Variants in FMN2 observed in about 807,000 individuals in gnomAD.
The protein encoded by FMN2 is formin 2, also known as formin-2.
Under a neutral mutation model 142.3 loss-of-function variants are expected in FMN2, and 51 were observed. The ratio of observed to expected loss-of-function variants is 0.36; its 90% CI spans 0.29 to 0.45. FMN2 has a LOEUF of 0.45. FMN2 is among the 20% of genes least tolerant of loss of function. The pLI, the probability that FMN2 is intolerant of heterozygous loss-of-function variation, is 1.00. For synonymous variants in FMN2, 882 were observed against 869.8 expected (o/e 1.01, Z -0.25); for missense variants, 1,936 against 2,122.8 (o/e 0.91, Z 1.73).
chr1:240,298,370 T>C (rs1670066953), intron 8 of FMN2, among the ~76,000 whole-genome samples: 1 of 152,266 alleles, frequency 6.6e-6, no homozygotes, highest in Non-Finnish European at 1.5e-5. Context: ...AAAAAATAAG[T>C]CTTGGGAAGG....
intron 14 of FMN2, among the ~76,000 whole-genome samples, chr1:240,389,136 T>A (rs1175932024): frequency 6.6e-6 from 1 of 152,190 alleles, no homozygotes; most frequent in Non-Finnish European, 1.5e-5. Flanking sequence ...CTTTTTTATC[T>A]CTTGTATGCA....
intron 6 of FMN2, among the ~76,000 whole-genome samples, chr1:240,238,581 A>C (rs1236369815): frequency 6.6e-6 from 1 of 152,236 alleles, no homozygotes; most frequent in East Asian, 1.9e-4. Flanking sequence ...TATCATAACA[A>C]GATAAATTTT....
At chr1:240,152,495 T>C (rs941636150) in intron 2 of FMN2, among the ~76,000 whole-genome samples, 23 of 152,074 alleles carry the variant, frequency 1.5e-4, no homozygotes, top group African/African-American at 5.6e-4. Context: ...GCTTAACCTT[T>C]TGTTTCCGTT....
chr1:240,357,858 C>T (rs989195736), intron 14 of FMN2, among the ~76,000 whole-genome samples: 2 of 152,184 alleles, frequency 1.3e-5, no homozygotes, highest in African/African-American at 4.8e-5. Flanking sequence ...CCAGCCTCTT[C>T]GGCCTCCCAA....
chr1:240,303,427 A>G (rs1670273891), intron 8 of FMN2, among the ~76,000 whole-genome samples: 1 of 152,118 alleles, frequency 6.6e-6, no homozygotes, highest in Non-Finnish European at 1.5e-5. Flanking sequence ...GTTTTACTGG[A>G]TATAGAATTA....
chr1:240,396,314 G>A (rs928478025), intron 15 of FMN2, among the ~76,000 whole-genome samples: 2 of 108,310 alleles, frequency 1.8e-5, no homozygotes, highest in African/African-American at 9.9e-5. Context: ...GTGTGTGTGT[G>A]TGTGTGTGTG....
At chr1:240,205,932 G>C (rs1196702543) in intron 4 of FMN2, among the ~76,000 whole-genome samples, 1 of 123,868 alleles carries the variant, frequency 8.1e-6, no homozygotes, top group African/African-American at 3.1e-5. Flanking sequence ...GTCTCACTCT[G>C]TTTCCCAGGC....
chr1:240,289,101 A>G (rs1669688631), intron 7 of FMN2, among the ~76,000 whole-genome samples: 4 of 152,298 alleles, frequency 2.6e-5, no homozygotes, highest in African/African-American at 7.2e-5. Context: ...CACACTTGGT[A>G]ATAAACACTG....
At chr1:240,272,921 G>A (rs78755044) in intron 7 of FMN2, among the ~76,000 whole-genome samples, 5,041 of 152,188 alleles carry the variant, frequency 0.033, 131 homozygotes, top group Non-Finnish European at 0.055. Flanking sequence ...TTATATGCAC[G>A]TGATTAAGAA....
At chr1:240,233,167 G>T (rs1213169331) in intron 6 of FMN2, among the ~76,000 whole-genome samples, 1 of 152,034 alleles carries the variant, frequency 6.6e-6, no homozygotes, top group Non-Finnish European at 1.5e-5. Context: ...GATCACCTGA[G>T]CTCAGGAGTT....
intron 15 of FMN2, among the ~76,000 whole-genome samples, chr1:240,402,017 C>T (rs899626261): frequency 2.6e-5 from 4 of 152,230 alleles, no homozygotes; most frequent in South Asian, 2.1e-4. Flanking sequence ...TCAAGTGTGG[C>T]TCCTAAGAGG....
At chr1:240,166,353 C>T (rs1228407033) in intron 2 of FMN2, among the ~76,000 whole-genome samples, 1 of 151,804 alleles carries the variant, frequency 6.6e-6, no homozygotes, top group Non-Finnish European at 1.5e-5. Flanking sequence ...CTTGAACCTC[C>T]CGAGTAAGTG....
At chr1:240,357,769 G>A (rs12086966) in intron 14 of FMN2, among the ~76,000 whole-genome samples, 9,473 of 151,952 alleles carry the variant, frequency 0.062, 343 homozygotes, top group South Asian at 0.12. Context: ...CACCACGCCC[G>A]GCTAATTTTT....
chr1:240,154,051 A>G (rs1407354459), intron 2 of FMN2, among the ~76,000 whole-genome samples: 1 of 145,626 alleles, frequency 6.9e-6, no homozygotes, highest in Non-Finnish European at 1.5e-5. Context: ...CGGAGGTTGC[A>G]GTGAGCCGAG....
intron 2 of FMN2, chr1:240,170,170 A>G (rs1441625289): frequency 4.1e-6 from 4 of 966,210 alleles, no homozygotes; most frequent in Admixed American, 2.1e-5. Flanking sequence ...ACCCGTGGAC[A>G]TGGTGAACCA....
intron 6 of FMN2, among the ~76,000 whole-genome samples, chr1:240,220,998 G>A (rs1294577312): frequency 6.6e-6 from 1 of 152,088 alleles, no homozygotes; most frequent in Non-Finnish European, 1.5e-5. Context: ...TTAGTTTGCT[G>A]AGAATGATGG....
chr1:240,425,731 A>G (rs1674919788), intron 15 of FMN2, among the ~76,000 whole-genome samples: 1 of 152,190 alleles, frequency 6.6e-6, no homozygotes, highest in Admixed American at 6.5e-5. Flanking sequence ...AGCATATGGT[A>G]ATGTCTGCCA....
intron 7 of FMN2, among the ~76,000 whole-genome samples, chr1:240,287,075 G>T (rs1022165854): frequency 1.3e-5 from 2 of 152,038 alleles, no homozygotes; most frequent in South Asian, 4.2e-4. Context: ...TTTCAATTAC[G>T]CATCCCCAAA....
At chr1:240,363,726 T>A (rs1011493117) in intron 14 of FMN2, among the ~76,000 whole-genome samples, 1 of 152,150 alleles carries the variant, frequency 6.6e-6, no homozygotes, top group Non-Finnish European at 1.5e-5. Context: ...CGTCCCCAAC[T>A]CTGTTTCTCC....
Sources: allele counts gnomAD v4.1 joint callset (sites outside exome capture counted in the v4.1 genomes callset), GRCh38; gene constraint gnomAD v4.1.1; transcripts MANE v1.5; gene names NCBI Gene and HGNC (gene_info 2026-07-23, HGNC 2026-07-21).